TNIP3: variants seen among roughly 807,000 people sequenced by gnomAD.
TNIP3 encodes TNFAIP3-interacting protein 3.
TNIP3 carries 34 observed loss-of-function variants against 54.1 expected under a neutral mutation model. That is an observed-to-expected ratio of 0.63 (90% CI 0.48 to 0.84). TNIP3 has a LOEUF of 0.84. Ranked by LOEUF, TNIP3 falls within the 40% of genes least tolerant of loss-of-function variation. The pLI is 0.00. For missense variants in TNIP3, 366 were observed against 387.6 expected, an observed-to-expected ratio of 0.94 and a Z score of 0.47; for synonymous variants, 134 against 136.8, an observed-to-expected ratio of 0.98 and a Z score of 0.14.
Position 121,212,698 on chromosome 4 carries a change from A to T in TNIP3, c.68+3717T>A, listed in dbSNP as rs571955246. Among the ~76,000 whole-genome samples, 4 of 152,318 alleles carry T rather than the reference A, an allele frequency of 2.6e-5. No homozygotes were observed. In the South Asian group the frequency reaches 8.3e-4, roughly 32 times the overall value. On this transcript the variant is annotated intron_variant, in intron 2 of 12. Transcript: ENST00000507879. Reference sequence around the variant, plus strand: ...CTACTTAACAAAACAATATGAATGGACGGAAGATACATTTTCAGGGATGTC... The same window carrying T: ...CTACTTAACAAAACAATATGAATGGTCGGAAGATACATTTTCAGGGATGTC...
intron 4 of TNIP3, 129 bp downstream of exon 4, chr4:121,156,965 C>A: frequency 8.3e-7 from 1 of 1,211,950 alleles, no homozygotes. Context: ...AACCCATGCA[C>A]CCTTGCACAT....
chr4:121,177,566 T>C (rs1397342747), intron 3 of TNIP3, among the ~76,000 whole-genome samples: 1 of 152,212 alleles, frequency 6.6e-6, no homozygotes, highest in African/African-American at 2.4e-5. Context: ...AGTCACACCC[T>C]TCACATCCCA....
At chr4:121,212,856 T>C (rs1404996023) in intron 2 of TNIP3, among the ~76,000 whole-genome samples, 3 of 152,158 alleles carry the variant, frequency 2.0e-5, no homozygotes, top group Admixed American at 2.0e-4. Flanking sequence ...GCCAAAAGAA[T>C]TGTAAGAATG....
intron 2 of TNIP3, among the ~76,000 whole-genome samples, chr4:121,191,760 T>C (rs1434513808): frequency 6.6e-6 from 1 of 152,230 alleles, no homozygotes; most frequent in Non-Finnish European, 1.5e-5. Flanking sequence ...ATTATTATCA[T>C]ATGACAAAAC....
chr4:121,133,438 A>G (rs1421174973), intron 10 of TNIP3, among the ~76,000 whole-genome samples: 1 of 152,208 alleles, frequency 6.6e-6, no homozygotes, highest in Non-Finnish European at 1.5e-5. Context: ...TTAAAAAGGT[A>G]TCTAATATGT....
chr4:121,164,403 G>T (rs1415993695), upstream of TNIP3: 7 of 1,152,874 alleles, frequency 6.1e-6, no homozygotes, highest in East Asian at 2.6e-4. Flanking sequence ...AAATAGGCAG[G>T]CCGTGACTAA....
intron 9 of TNIP3, among the ~76,000 whole-genome samples, chr4:121,141,545 A>G (rs1390151797): frequency 2.0e-5 from 3 of 152,178 alleles, no homozygotes; most frequent in Non-Finnish European, 2.9e-5. Context: ...GGTAGAATGA[A>G]GTATGCCAAT....
At position 121,148,409 on chromosome 4, in the gene TNIP3, C is replaced by A. The variant is rs140961808; in HGVS notation, c.610-1235G>T. Among the ~76,000 whole-genome samples the A allele has an allele frequency of 7.9e-5, 12 of 152,264 alleles. No homozygotes were observed. The East Asian group carries it at 2.1e-3, about 27-fold the overall frequency. On this transcript the variant is annotated intron_variant, in intron 6 of 10. Coordinates refer to ENST00000057513, the MANE Select transcript of TNIP3 (RefSeq NM_024873.6). ...ATCTGTCACTGTAACAAATATGAAC[C>A]AAATCATTATTATAAACTTTATGTG...
chr4:121,215,972 A>T (rs888630517), intron 2 of TNIP3, among the ~76,000 whole-genome samples: 4 of 152,050 alleles, frequency 2.6e-5, no homozygotes, highest in Non-Finnish European at 5.9e-5. Context: ...AAAGCGCCTA[A>T]GTAAGGGATT....
intron 1 of TNIP3, among the ~76,000 whole-genome samples, chr4:121,162,352 A>T (rs2148815839): frequency 6.6e-6 from 1 of 152,322 alleles, no homozygotes; most frequent in South Asian, 2.1e-4. Context: ...GACCTATGTT[A>T]CAATTAAGAC....
intron 2 of TNIP3, among the ~76,000 whole-genome samples, chr4:121,196,047 A>G (rs1169879857): frequency 1.3e-5 from 2 of 152,216 alleles, no homozygotes; most frequent in African/African-American, 4.8e-5. Context: ...CACACGCTTG[A>G]TTTTATTAAG....
At chr4:121,198,223 T>C (rs917999547) in intron 2 of TNIP3, among the ~76,000 whole-genome samples, 1 of 151,962 alleles carries the variant, frequency 6.6e-6, no homozygotes, top group African/African-American at 2.4e-5. Flanking sequence ...ACCAAAATGC[T>C]AAAGCAAAAG....
chr4:121,178,672 C>T (rs999403046), intron 3 of TNIP3, among the ~76,000 whole-genome samples: 3 of 152,120 alleles, frequency 2.0e-5, no homozygotes, highest in Non-Finnish European at 2.9e-5. Flanking sequence ...AGAGATTAAG[C>T]TTAAGAGTGT....
At chr4:121,142,186 T>C (rs1325303209) in intron 8 of TNIP3, among the ~76,000 whole-genome samples, 1 of 152,188 alleles carries the variant, frequency 6.6e-6, no homozygotes, top group Non-Finnish European at 1.5e-5. Flanking sequence ...TTTATGTTTT[T>C]GAGTTATCTT....
chr4:121,146,299 C>T (rs142207948), intron 7 of TNIP3, among the ~76,000 whole-genome samples: 314 of 152,108 alleles, frequency 2.1e-3, no homozygotes, highest in African/African-American at 7.1e-3. Context: ...TTTTTTATGA[C>T]GAAGAATCTT....
chr4:121,135,935 T>C (rs114690821), intron 10 of TNIP3, among the ~76,000 whole-genome samples: 1,783 of 152,270 alleles, frequency 0.012, 34 homozygotes, highest in African/African-American at 0.041. Flanking sequence ...CTGTGGAAGC[T>C]AGTAAAGGAG....
chr4:121,200,303 A>G (rs1725812905), intron 2 of TNIP3, among the ~76,000 whole-genome samples: 1 of 152,096 alleles, frequency 6.6e-6, no homozygotes, highest in African/African-American at 2.4e-5. Context: ...TCCCTTTTGC[A>G]TAATCCACTA....
At chr4:121,192,975 A>C (rs1427021398) in intron 2 of TNIP3, 1 of 152,186 alleles carries the variant, frequency 6.6e-6, no homozygotes, top group African/African-American at 2.4e-5. Flanking sequence ...ATAGACTTAC[A>C]TCCAATAACT....
chr4:121,170,219 T>C (rs1192035741), intron 3 of TNIP3, among the ~76,000 whole-genome samples: 1 of 152,252 alleles, frequency 6.6e-6, no homozygotes, highest in Admixed American at 6.5e-5. Context: ...TATAAGCTTC[T>C]TGAAGATGAG....
Sources: gnomAD v4.1 joint callset for allele counts (sites outside exome capture counted in the v4.1 genomes callset) on GRCh38, gnomAD v4.1.1 for gene constraint, MANE v1.5 for transcripts, NCBI Gene and HGNC (gene_info 2026-07-23, HGNC 2026-07-21) for gene names.